The following BNC2 variants were observed in gnomAD, a reference collection of about 807,000 sequenced individuals.
BNC2 encodes the protein zinc finger protein basonuclin-2.
A neutral mutation model predicts 76.3 loss-of-function variants in BNC2; 20 were observed. The ratio of observed to expected loss-of-function variants is 0.26; its 90% CI spans 0.18 to 0.38. The LOEUF (loss-of-function observed/expected upper bound fraction) is 0.38, where lower values mean the gene tolerates loss of function less well. Ranked by LOEUF, BNC2 falls within the 10% of genes least tolerant of loss-of-function variation. BNC2 has a pLI of 1.00. For synonymous variants in BNC2, 582 were observed against 514.8 expected, an observed-to-expected ratio of 1.13 and a Z score of -1.77; for missense variants, 1,382 against 1,399.8, an observed-to-expected ratio of 0.99 and a Z score of 0.20.
intron 1 of BNC2, among the ~76,000 whole-genome samples, chr9:16,827,840 T>C (rs932295553): frequency 6.6e-6 from 1 of 152,168 alleles, no homozygotes; most frequent in Non-Finnish European, 1.5e-5. Context: ...AATTTATAAA[T>C]CTCAGACTCA....
At chr9:16,518,180 G>C (rs1266421221) in intron 5 of BNC2, among the ~76,000 whole-genome samples, 2 of 152,148 alleles carry the variant, frequency 1.3e-5, no homozygotes, top group African/African-American at 4.8e-5. Flanking sequence ...TGTAATCCTA[G>C]TACTTTGGGA....
rs556004302 is a variant in BNC2, at chr9:16,416,435, C to T, written c.*2554G>A. 3.9e-5 allele frequency: 6 copies of T among 152,626 alleles called. No homozygotes were observed. The East Asian group carries it at 1.2e-3, about 29-fold the overall frequency. 9.5% of individuals were successfully genotyped at this position (152,626 alleles called of 1,614,324 possible). On this transcript the variant is annotated 3_prime_UTR_variant, in exon 7 of 7. Coordinates refer to ENST00000380672, the MANE Select transcript of BNC2 (RefSeq NM_017637.6). ...CAAACAAACTTTCATTATTCTAGTT[C>T]AATCTTTCACAAACATACTGTACAG...
intron 1 of BNC2, chr9:16,775,973 TG>T (rs1457391288): frequency 1.3e-5 from 2 of 152,270 alleles, no homozygotes; most frequent in East Asian, 3.9e-4. Context: ...AAAACCTACC[TG>T]ACCAACGCAG....
Position 16,419,314 on chromosome 9 carries a change from T to A in BNC2, c.2975A>T (p.Asp992Val), listed in dbSNP as rs1820659103. The A allele has an allele frequency of 1.9e-6, 3 of 1,613,674 alleles. No homozygotes were observed. In the East Asian group the frequency reaches 6.7e-5, roughly 36 times the overall value. ...AGSDEGILLD[D>V]IDGASDSGES... ...CCCACTGTCACTCGCCCCGTCAATG[T>A]CATCGAGAAGAATCCCCTCATCGCT... Residue 992 changes from aspartate to valine, a missense_variant, in exon 7 of 7, where the codon GAC becomes GTC. Asp to Val is a radical substitution (Grantham distance 152). Around this residue, in one of 3 missense-constraint regions of BNC2, gnomAD observed 798 missense variants for 775.5 expected, o/e 1.03. Transcript: ENST00000380672.
chr9:16,727,637 C>T, intron 3 of BNC2, 160 bp downstream of exon 3: 2 of 656,890 alleles, frequency 3.0e-6, no homozygotes, highest in South Asian at 4.0e-5. Context: ...TAACCCTGCA[C>T]ATTCCAGTAA....
chr9:16,868,025 C>T (rs910070916), intron 1 of BNC2: 1 of 152,168 alleles, frequency 6.6e-6, no homozygotes, highest in Admixed American at 6.6e-5. Flanking sequence ...TCATATCCTG[C>T]TGCTGACAAG....
At chr9:16,814,452 A>C (rs1053891380) in intron 1 of BNC2, among the ~76,000 whole-genome samples, 1 of 152,234 alleles carries the variant, frequency 6.6e-6, no homozygotes, top group Non-Finnish European at 1.5e-5. Flanking sequence ...CTTACTATTT[A>C]AAAGAAATTT....
intron 4 of BNC2, among the ~76,000 whole-genome samples, chr9:16,581,089 T>C (rs753685857): frequency 4.6e-5 from 7 of 152,214 alleles, no homozygotes; most frequent in Admixed American, 1.3e-4. Context: ...TGGGAACTGT[T>C]ATGGGCTTGT....
intron 6 of BNC2, among the ~76,000 whole-genome samples, chr9:16,430,273 T>C (rs1265757450): frequency 6.6e-6 from 1 of 151,988 alleles, no homozygotes; most frequent in Non-Finnish European, 1.5e-5. Flanking sequence ...ATTTTAGAAA[T>C]GGAGACTTGT....
rs188700428 is a variant in BNC2 at position 16,514,490 on chromosome 9, A to C, written c.669+38040T>G. ...CCAATGCTGACATCTAATTGTTTAG[A>C]TTTTTTTTTAAAAAGGGGGGAAAAA... On this transcript the variant is annotated intron_variant, in intron 5 of 6. Coordinates refer to ENST00000380672, the MANE Select transcript of BNC2 (RefSeq NM_017637.6). Among the ~76,000 whole-genome samples, 5 of 147,558 alleles carry C rather than the reference A, an allele frequency of 3.4e-5. No individual in the cohort carries two copies. The East Asian group carries it at 9.7e-4, about 29-fold the overall frequency.
In BNC2 at chr9:16,414,746, A is replaced by G. The variant is rs986775966; in HGVS notation, c.*4243T>C. 6.6e-6 allele frequency: 1 copy of G among 152,272 alleles called. No homozygotes were observed. The highest frequency in any genetic ancestry group is 2.4e-5 in the African/African-American group (1 of 41,516). The allele number at this position is 152,272 out of a possible 1,614,324, so 9.4% of individuals were successfully genotyped here. ...GCATGTCCATCTCAATCTGGTGACT[A>G]GCTTCTTTATGCTTTAATTGTCAAC... is the stretch of plus-strand genomic sequence containing the variant. On this transcript the variant is annotated 3_prime_UTR_variant, in exon 7 of 7. Coordinates refer to ENST00000380672, the MANE Select transcript of BNC2 (RefSeq NM_017637.6).
chr9:16,814,258 C>T (rs563972335), intron 1 of BNC2, among the ~76,000 whole-genome samples: 1 of 152,144 alleles, frequency 6.6e-6, no homozygotes, highest in Non-Finnish European at 1.5e-5. Context: ...AGTTGGTGGG[C>T]CAGCACGTGA....
intron 5 of BNC2, among the ~76,000 whole-genome samples, chr9:16,526,960 G>C (rs1817824143): frequency 6.6e-6 from 1 of 152,234 alleles, no homozygotes; most frequent in Non-Finnish European, 1.5e-5. Context: ...ATGCCAAATA[G>C]AGAGAGCAGT....
intron 1 of BNC2, among the ~76,000 whole-genome samples, chr9:16,757,050 T>C (rs72614234): frequency 0.085 from 12,178 of 143,536 alleles, 995 homozygotes; most frequent in East Asian, 0.48. Context: ...AAGTGCCCTG[T>C]ACTACTTTCC....
At chr9:16,543,045 AT>A (rs1252182472) in intron 5 of BNC2, among the ~76,000 whole-genome samples, 1 of 152,070 alleles carries the variant, frequency 6.6e-6, no homozygotes, top group Middle Eastern at 3.2e-3. Context: ...ATTCTGTCAA[AT>A]TGGGGGAAAT....
chr9:16,461,696 T>A (rs1236944653), intron 5 of BNC2, among the ~76,000 whole-genome samples: 1 of 152,150 alleles, frequency 6.6e-6, no homozygotes, highest in Admixed American at 6.5e-5. Context: ...CACCAGGGAC[T>A]GCTCGCTCCA....
At chr9:16,662,535 A>G (rs1822139572) in intron 3 of BNC2, among the ~76,000 whole-genome samples, 1 of 152,186 alleles carries the variant, frequency 6.6e-6, no homozygotes, top group African/African-American at 2.4e-5. Context: ...CAAGAGTTCA[A>G]GGCCAGCCTG....
intron 2 of BNC2, among the ~76,000 whole-genome samples, chr9:16,732,465 G>A (rs1587361666): frequency 6.6e-6 from 1 of 152,062 alleles, no homozygotes. Flanking sequence ...AGTACTCTAG[G>A]ATTTTTATTT....
chr9:16,829,635 A>C (rs1818535272), intron 1 of BNC2, among the ~76,000 whole-genome samples: 1 of 152,246 alleles, frequency 6.6e-6, no homozygotes, highest in South Asian at 2.1e-4. Flanking sequence ...ATCTATGCCC[A>C]GTGCTAACAT....
Sources: gnomAD v4.1 joint callset for allele counts (sites outside exome capture counted in the v4.1 genomes callset) on GRCh38, gnomAD v4.1.1 for gene constraint, gnomAD v4.1.1 regional missense constraint, MANE v1.5 for transcripts, NCBI Gene and HGNC (gene_info 2026-07-23, HGNC 2026-07-21) for gene names.